The following RNF17 variants were observed in gnomAD, a reference collection of about 807,000 sequenced individuals.
RNF17 encodes the protein ring finger protein 17.
A neutral mutation model predicts 200.5 loss-of-function variants in RNF17; 31 were observed. The ratio of observed to expected loss-of-function variants is 0.15; its 90% CI spans 0.12 to 0.21. RNF17 has a LOEUF of 0.21. RNF17 is among the 10% of genes least tolerant of loss of function. The pLI is 1.00. For synonymous variants in RNF17, 606 were observed against 637.8 expected (o/e 0.95, Z 0.75); for missense variants, 1,628 against 1,905.1 (o/e 0.85, Z 2.71).
chr13:24,779,846 C>T, intron 5 of RNF17, 99 bp downstream of exon 5: 2 of 865,558 alleles, frequency 2.3e-6, no homozygotes, highest in South Asian at 1.7e-5. Flanking sequence ...GAGCTTAGCA[C>T]TGAGTTATTA....
chr13:24,852,136 CT>C (rs542414882), intron 24 of RNF17, among the ~76,000 whole-genome samples: 61,970 of 123,142 alleles, frequency 0.5, 14,756 homozygotes, highest in Admixed American at 0.55. Flanking sequence ...CTCTCTCTCT[CT>C]TTTTTTTTTT....
At chr13:24,887,521 G>A in the RNF17 span, among the ~76,000 whole-genome samples, 1 of 152,150 alleles carries the variant, frequency 6.6e-6, no homozygotes, top group Non-Finnish European at 1.5e-5. Flanking sequence ...CAGGTTGCAC[G>A]CTCCTTAGAG....
In RNF17 at chr13:24,804,517, T is replaced by G. The variant is rs552348559; in HGVS notation, c.2091+88T>G. 3.1e-5 allele frequency: 32 copies of G among 1,034,738 alleles called. No individual in the cohort carries two copies. The South Asian group carries it at 5.0e-4, about 16-fold the overall frequency. 64.1% of individuals were successfully genotyped at this position (1,034,738 alleles called of 1,614,324 possible). A position where few individuals can be genotyped will look rare whatever the true frequency, so the allele number is the denominator to read the frequency against. The stretch of plus-strand genomic sequence containing the variant: ...CAAGAATGAGTATCTACCGTCAATT[T>G]TAGTCAGAGCAAACGTACCACTGTT... On this transcript the variant is annotated intron_variant, in intron 15 of 35. Transcript: ENST00000255324.
intron 19 of RNF17, among the ~76,000 whole-genome samples, chr13:24,843,407 A>G (rs780607830): frequency 6.6e-6 from 1 of 152,092 alleles, no homozygotes; most frequent in African/African-American, 2.4e-5. Flanking sequence ...AATCCCAGCT[A>G]CTTGGGAGGC....
chr13:24,778,465 T>C (rs577303736), intron 4 of RNF17, 59 bp downstream of exon 4: 254 of 1,052,544 alleles, frequency 2.4e-4, no homozygotes, highest in Admixed American at 4.4e-4. Flanking sequence ...TTGTCTCTAG[T>C]AGCTCAACTT....
intron 1 of RNF17, among the ~76,000 whole-genome samples, chr13:24,764,884 GT>G (rs1365831912): frequency 1.0e-4 from 8 of 80,326 alleles, no homozygotes; most frequent in Admixed American, 1.5e-4. Flanking sequence ...TGTGCACCTT[GT>G]GGGGTGTGTG....
At chr13:24,863,822 G>T (rs1211148316) in intron 28 of RNF17, among the ~76,000 whole-genome samples, 1 of 152,180 alleles carries the variant, frequency 6.6e-6, no homozygotes, top group African/African-American at 2.4e-5. Flanking sequence ...GTGTCTCAGA[G>T]ACCACGAATG....
chr13:24,853,908 C>T lies in RNF17; in HGVS notation c.3374C>T (p.Pro1125Leu). ...HSLSEKSLEV[P>L]LEQEDSVVTN... ...TTATCTGAGAAGTCTCTGGAAGTCC[C>T]CCTGGAACAGGAAGATTCAGTAGTT... is the stretch of plus-strand genomic sequence containing the variant. The change falls in exon 25 of 36, where the codon CCC becomes CTC. Residue 1125 changes from proline (P) to leucine (L), a missense_variant. By Grantham distance (98) the Pro-to-Leu change is moderately conservative (BLOSUM62 -3). Coordinates refer to ENST00000255324, the MANE Select transcript of RNF17 (RefSeq NM_031277.3). 6.2e-7 allele frequency: 1 copy of T among 1,613,688 alleles called. No individual in the cohort carries two copies. The highest frequency in any genetic ancestry group is 8.5e-7 in the Non-Finnish European group (1 of 1,179,770).
At position 24,877,671 on chromosome 13, in the gene RNF17, C is replaced by T. The variant is rs143319069; in HGVS notation, c.4773+485C>T. ...TTGAATAAGTAAAACAGGAATGTGG[C>T]ATTTCACCTGCATCCTAAAAGAAGA... On this transcript the variant is annotated intron_variant, in intron 34 of 35. Transcript: ENST00000255324. Among the ~76,000 whole-genome samples, 1,210 of 152,226 alleles carry T rather than the reference C, an allele frequency of 7.9e-3. 17 individuals carry two copies. Among genetic ancestry groups the T allele is most frequent in the African/African-American group, 0.028 (1,158 of 41,538 alleles).
At chr13:24,881,085 A>G (rs1953800794), downstream of RNF17, among the ~76,000 whole-genome samples, 2 of 151,968 alleles carry the variant, frequency 1.3e-5, 1 homozygote, top group South Asian at 4.1e-4. Flanking sequence ...TTGTCTTCTA[A>G]TTTGGGGCTT....
intron 10 of RNF17, among the ~76,000 whole-genome samples, chr13:24,794,755 C>T (rs890666995): frequency 6.6e-6 from 1 of 152,210 alleles, no homozygotes; most frequent in African/African-American, 2.4e-5. Context: ...CAGAGTCTTA[C>T]TGTGTTGCCC....
At chr13:24,782,165 C>T (rs945107796) in intron 6 of RNF17, among the ~76,000 whole-genome samples, 1 of 152,078 alleles carries the variant, frequency 6.6e-6, no homozygotes, top group Admixed American at 6.6e-5. Context: ...TATTTACCTT[C>T]TGGTGCTGAA....
chr13:24,789,822 A>G, intron 9 of RNF17, 50 bp downstream of exon 9: 1 of 1,016,372 alleles, frequency 9.8e-7, no homozygotes. Flanking sequence ...GACAGTACTT[A>G]CATTATCTAA....
intron 27 of RNF17, 107 bp downstream of exon 27, chr13:24,861,494 A>G (rs930144496): frequency 2.1e-5 from 16 of 764,518 alleles, no homozygotes; most frequent in Non-Finnish European, 3.0e-5. Flanking sequence ...TGCAACAAAA[A>G]AGTAATAAAA....
At chr13:24,800,663 TGTTA>T (rs1885137606) in intron 13 of RNF17, 129 bp downstream of exon 13, 2 of 619,312 alleles carry the variant, frequency 3.2e-6, no homozygotes, top group Non-Finnish European at 5.2e-6. Context: ...CATATTAAAC[TGTTA>T]GTTCTAATAG....
At chr13:24,884,052 G>A (rs1953938425), downstream of RNF17, 1 of 1,613,660 alleles carries the variant, frequency 6.2e-7, no homozygotes, top group Non-Finnish European at 8.5e-7. Context: ...CAGGAAACGT[G>A]ATTTCTTTTC....
intron 18 of RNF17, among the ~76,000 whole-genome samples, chr13:24,833,225 T>C (rs958274048): frequency 7.9e-5 from 12 of 152,210 alleles, no homozygotes; most frequent in Admixed American, 2.0e-4. Context: ...CGTAAGACTA[T>C]TGGACTATTC....
intron 13 of RNF17, among the ~76,000 whole-genome samples, chr13:24,801,886 A>G (rs987974378): frequency 5.9e-5 from 9 of 152,220 alleles, no homozygotes; most frequent in Non-Finnish European, 8.8e-5. Flanking sequence ...CTAAAGTAAA[A>G]CCTTGAGAAT....
chr13:24,776,613 T>G (rs1881602811), intron 3 of RNF17, among the ~76,000 whole-genome samples: 1 of 152,192 alleles, frequency 6.6e-6, no homozygotes, highest in Admixed American at 6.5e-5. Context: ...TGAGTCCCCA[T>G]GGAGTAGCCA....
Sources: gnomAD v4.1 joint callset for allele counts (sites outside exome capture counted in the v4.1 genomes callset) on GRCh38, gnomAD v4.1.1 for gene constraint, MANE v1.5 for transcripts, NCBI Gene and HGNC (gene_info 2026-07-23, HGNC 2026-07-21) for gene names.